The following PRKCA variants were observed in gnomAD, a reference collection of about 807,000 sequenced individuals.
PRKCA encodes protein kinase C alpha.
A neutral mutation model predicts 87.0 loss-of-function variants in PRKCA; 27 were observed. The ratio of observed to expected loss-of-function variants is 0.31; its 90% confidence interval spans 0.23 to 0.43. The LOEUF is 0.43. Among genes scored for constraint, PRKCA ranks in the 20% least tolerant of loss-of-function variants. The pLI is 1.00. For missense variants in PRKCA, 518 were observed against 852.3 expected, an observed-to-expected ratio of 0.61 and a Z score of 4.88; for synonymous variants, 329 against 311.1, an observed-to-expected ratio of 1.06 and a Z score of -0.61.
At chr17:66,420,313 G>T (rs964017979) in intron 2 of PRKCA, among the ~76,000 whole-genome samples, 1 of 152,068 alleles carries the variant, frequency 6.6e-6, no homozygotes, top group Non-Finnish European at 1.5e-5. Flanking sequence ...CTGGCCAGGG[G>T]ACATGTTCTT....
intron 3 of PRKCA, among the ~76,000 whole-genome samples, chr17:66,504,452 C>T (rs905305692): frequency 2.0e-5 from 3 of 151,976 alleles, no homozygotes; most frequent in African/African-American, 4.8e-5. Flanking sequence ...ATTATCTGGA[C>T]GTGGTGGCAC....
At chr17:66,710,163 AAG>A (rs778684969) in intron 8 of PRKCA, among the ~76,000 whole-genome samples, 5 of 152,024 alleles carry the variant, frequency 3.3e-5, no homozygotes, top group Non-Finnish European at 7.4e-5. Flanking sequence ...TCAAACAAGG[AAG>A]AGTTACTTCC....
chr17:66,553,786 G>A (rs146623798), intron 3 of PRKCA, among the ~76,000 whole-genome samples: 123 of 152,290 alleles, frequency 8.1e-4, no homozygotes, highest in African/African-American at 2.9e-3. Context: ...GCCAGGGCCT[G>A]TGAGGGAACC....
chr17:66,737,619 C>T (rs1265959130), intron 10 of PRKCA, among the ~76,000 whole-genome samples: 1 of 152,250 alleles, frequency 6.6e-6, no homozygotes, highest in Non-Finnish European at 1.5e-5. Flanking sequence ...TTTGCAGCCA[C>T]CCGGAGCCTC....
At chr17:66,781,460 G>A (rs2144359195) in intron 14 of PRKCA, among the ~76,000 whole-genome samples, 2 of 152,340 alleles carry the variant, frequency 1.3e-5, no homozygotes. Flanking sequence ...AGCATAAGCA[G>A]GAAGTGAAAC....
At chr17:66,393,807 C>T (rs762307300) in intron 2 of PRKCA, among the ~76,000 whole-genome samples, 8 of 152,098 alleles carry the variant, frequency 5.3e-5, no homozygotes, top group Non-Finnish European at 1.2e-4. Context: ...GGCGTGGTGG[C>T]TCACTTCTGT....
chr17:66,525,646 A>G (rs1967321404), intron 3 of PRKCA, among the ~76,000 whole-genome samples: 1 of 152,208 alleles, frequency 6.6e-6, no homozygotes, highest in Non-Finnish European at 1.5e-5. Flanking sequence ...TGGGACTAAC[A>G]TGACCCTGAC....
chr17:66,321,362 C>T (rs1905646462), intron 2 of PRKCA, among the ~76,000 whole-genome samples: 1 of 152,072 alleles, frequency 6.6e-6, no homozygotes, highest in Non-Finnish European at 1.5e-5. Context: ...TGAAGATACT[C>T]GGAGGATGGA....
At chr17:66,470,968 C>T (rs1915300004) in intron 2 of PRKCA, among the ~76,000 whole-genome samples, 1 of 150,612 alleles carries the variant, frequency 6.6e-6, no homozygotes, top group Non-Finnish European at 1.5e-5. Context: ...TTTTCTTAGC[C>T]TTTCCTTATT....
chr17:66,425,108 T>C (rs1215091258), intron 2 of PRKCA, among the ~76,000 whole-genome samples: 1 of 152,184 alleles, frequency 6.6e-6, no homozygotes, highest in Non-Finnish European at 1.5e-5. Flanking sequence ...CTGGCTCATA[T>C]TTGAACATTC....
chr17:66,619,632 G>A (rs578104479), intron 3 of PRKCA, among the ~76,000 whole-genome samples: 35 of 152,146 alleles, frequency 2.3e-4, no homozygotes, highest in South Asian at 8.3e-4. Flanking sequence ...TTGAGGGATG[G>A]CAATGCTGTG....
chr17:66,415,110 T>C (rs1912059139), intron 2 of PRKCA: 1 of 151,994 alleles, frequency 6.6e-6, no homozygotes, highest in African/African-American at 2.4e-5. Context: ...ACTTTTATAA[T>C]CAGTAATTTA....
At chr17:66,680,713 T>A (rs960344361) in intron 5 of PRKCA, among the ~76,000 whole-genome samples, 2 of 152,002 alleles carry the variant, frequency 1.3e-5, no homozygotes, top group Non-Finnish European at 2.9e-5. Flanking sequence ...GATGAATCCT[T>A]CAGAACCTCT....
intron 1 of PRKCA, among the ~76,000 whole-genome samples, chr17:66,303,393 A>G (rs1904625529): frequency 6.6e-6 from 1 of 152,036 alleles, no homozygotes; most frequent in Non-Finnish European, 1.5e-5. Context: ...GAGAGGCCCT[A>G]AGGGGGCAAA....
rs571529680 is a variant in PRKCA, at chr17:66,332,906, T to C, written c.205+26779T>C. On this transcript the variant is annotated intron_variant, in intron 2 of 16. Coordinates refer to ENST00000413366, the MANE Select transcript of PRKCA (RefSeq NM_002737.3). ...CGGGGTTTCACCATGTTAGCCAGGA[T>C]GGTCTCAATCTCCTGACCTTGTGAT... is the stretch of plus-strand genomic sequence containing the variant. Among the ~76,000 whole-genome samples the C allele has an allele frequency of 6.6e-5, 10 of 152,280 alleles. No homozygotes were observed. The East Asian group carries it at 1.9e-3, about 29-fold the overall frequency.
chr17:66,372,757 C>A (rs1180528296), intron 2 of PRKCA, among the ~76,000 whole-genome samples: 1 of 152,036 alleles, frequency 6.6e-6, no homozygotes, highest in Non-Finnish European at 1.5e-5. Context: ...AAACTGGCAG[C>A]AATCTAAAAG....
chr17:66,577,829 A>G (rs2143440535), intron 3 of PRKCA, among the ~76,000 whole-genome samples: 1 of 152,108 alleles, frequency 6.6e-6, no homozygotes, highest in African/African-American at 2.4e-5. Context: ...TGGAGTGAGG[A>G]CGGGGTAGTG....
At chr17:66,330,146 C>G (rs1320746504) in intron 2 of PRKCA, among the ~76,000 whole-genome samples, 1 of 150,684 alleles carries the variant, frequency 6.6e-6, no homozygotes, top group Non-Finnish European at 1.5e-5. Context: ...ACTCTTGTTT[C>G]CCAGGCTGGA....
rs76090675 is a variant in PRKCA, at chr17:66,344,918, G to A, written c.205+38791G>A. Among the ~76,000 whole-genome samples the A allele has an allele frequency of 8.1e-3, 1,227 of 152,162 alleles. 14 individuals carry two copies. Among genetic ancestry groups the A allele is most frequent in the African/African-American group, 0.028 (1,171 of 41,530 alleles). ...GTAGCTGGGAATGCAGGCACGTGCCGCCACACCTCATGCCTGTACTTTGTA... is the reference window on the plus strand; with the variant it reads ...GTAGCTGGGAATGCAGGCACGTGCCACCACACCTCATGCCTGTACTTTGTA... On this transcript the variant is annotated intron_variant, in intron 2 of 16. Coordinates refer to ENST00000413366, the MANE Select transcript of PRKCA (RefSeq NM_002737.3).
Sources: allele counts gnomAD v4.1 joint callset (sites outside exome capture counted in the v4.1 genomes callset), GRCh38; gene constraint gnomAD v4.1.1; transcripts MANE v1.5; gene names NCBI Gene and HGNC (gene_info 2026-07-23, HGNC 2026-07-21).